Variants in CYP2W1 observed in about 807,000 individuals in gnomAD.
CYP2W1 encodes the protein cytochrome P450 2W1.
In CYP2W1, 51 loss-of-function variants were observed where a neutral mutation model predicts 44.9. The observed-to-expected ratio is 1.14, with a 90% CI of 0.91 to 1.43. The LOEUF (loss-of-function observed/expected upper bound fraction) is 1.43. CYP2W1 is among the 40% of genes most tolerant of loss of function. The probability of loss-of-function intolerance (pLI) is 0.00; values close to 1 mark genes in which losing one functional copy is unlikely to be tolerated. For synonymous variants in CYP2W1, 383 were observed against 338.3 expected (o/e 1.13, Z -1.45); for missense variants, 746 against 700.0 (o/e 1.07, Z -0.74).
intron 4 of CYP2W1, 56 bp downstream of exon 4, chr7:985,379 C>T: frequency 1.3e-6 from 2 of 1,523,832 alleles, no homozygotes; most frequent in East Asian, 4.9e-5. Context: ...GATGGGCGTG[C>T]AGCAGGAGGA....
At position 986,785 on chromosome 7, in the gene CYP2W1, C is replaced by G. The variant is rs780562848; in HGVS notation, c.807C>G (p.Ile269Met). The change falls in exon 5 of 9, where the codon ATC becomes ATG. Residue 269 changes from isoleucine to methionine, a missense_variant. Coordinates refer to ENST00000308919, the MANE Select transcript of CYP2W1 (RefSeq NM_017781.3). Reference protein sequence around the residue: ...DPVCSYVDALIQQGQGDDPEG... With the variant: ...DPVCSYVDALMQQGQGDDPEG... ...TGTGCAGCTATGTGGACGCCCTGAT[C>G]CAGCAGGGACAGGTGTGTCGGGACC... 5.7e-6 allele frequency: 9 copies of G among 1,573,706 alleles called. No individual in the cohort carries two copies. The East Asian group carries it at 2.0e-4, about 36-fold the overall frequency.
At position 987,438 on chromosome 7, in the gene CYP2W1, G is replaced by C. The variant is rs370228058; in HGVS notation, c.1050G>C (p.Val350=). The change falls in exon 7 of 9, where the codon GTG becomes GTC. Residue 350 remains valine, a synonymous_variant. Coordinates refer to ENST00000308919, the MANE Select transcript of CYP2W1 (RefSeq NM_017781.3). ...AGGCTCTGCCCTACACAAGCGCCGT[G>C]CTCCACGAGGTGCAGCGGTTCATCA... ...DQQALPYTSA[V]LHEVQRFITL... The C allele has an allele frequency of 1.9e-6, 3 of 1,588,374 alleles. No individual in the cohort carries two copies. The highest frequency in any genetic ancestry group is 2.6e-6 in the Non-Finnish European group (3 of 1,175,200).
At position 983,226 on chromosome 7, in the gene CYP2W1, CT is replaced by C; in HGVS notation, c.17del (p.Leu6CysfsTer51). 1 of 1,523,540 alleles carries C rather than the reference CT, an allele frequency of 6.6e-7. No individual in the cohort carries two copies. The highest frequency in any genetic ancestry group is 8.8e-7 in the Non-Finnish European group (1 of 1,130,882). 94.4% of individuals were successfully genotyped at this position (1,523,540 alleles called of 1,614,324 possible). MALLL[L>X]LFLGLLGLWG... ...GCCACGTCCTCATGGCCCTGCTGCT[CT>C]TGCTGTTCCTGGGCCTCCTGGGGCT... On this transcript the variant is annotated frameshift_variant, in exon 1 of 9. Coordinates refer to ENST00000308919, the MANE Select transcript of CYP2W1 (RefSeq NM_017781.3). LOFTEE classifies it high-confidence loss of function.
chr7:989,003 C>G lies in CYP2W1; in HGVS notation c.*181C>G. 1.8e-6 allele frequency: 1 copy of G among 558,632 alleles called. No homozygotes were observed. The highest frequency in any genetic ancestry group is 2.5e-5 in the South Asian group (1 of 40,432). 34.6% of individuals were successfully genotyped at this position (558,632 alleles called of 1,614,324 possible). ...GGTTACACCCAGGACTACCCCTGCC[C>G]GACCCTGTGGGACCCCCACCCCTCT... is the stretch of plus-strand genomic sequence containing the variant. On this transcript the variant is annotated 3_prime_UTR_variant, in exon 9 of 9. Transcript: ENST00000308919.
At chr7:988,146 A>C in intron 7 of CYP2W1, 131 bp from the exon 8 acceptor site, 1 of 1,136,550 alleles carries the variant, frequency 8.8e-7, no homozygotes, top group Non-Finnish European at 1.2e-6. Context: ...TGGGTGCCTC[A>C]CCTGCAAGGT....
rs1185759128 is a variant in CYP2W1 at position 989,431 on chromosome 7, T to TGGGGCGG, written c.*614_*620dup. The TGGGGCGG allele has an allele frequency of 6.7e-6, 1 of 148,502 alleles. No homozygotes were observed. The allele number at this position is 148,502 out of a possible 1,614,324, so 9.2% of individuals were successfully genotyped here. On this transcript the variant is annotated 3_prime_UTR_variant, in exon 9 of 9. Transcript: ENST00000308919. The stretch of plus-strand genomic sequence containing the variant: ...CAGGCACTGGCGCCAGAGGCTTCCT[T>TGGGGCGG]GGGGCGGGGGGAGGGCACCTCAGCC...
At chr7:986,426 C>T (rs1048791517) in intron 4 of CYP2W1, 198 bp from the exon 5 acceptor site, 22 of 631,244 alleles carry the variant, frequency 3.5e-5, no homozygotes, top group Middle Eastern at 4.4e-4. Flanking sequence ...TGTCCCCTTC[C>T]GGGACACGGA....
Position 988,278 on chromosome 7 carries a change from G to A in CYP2W1, c.1145G>A (p.Gly382Asp). Residue 382 changes from glycine (G) to aspartate (D), a missense_variant and splice_region_variant, in exon 8 of 9, where the codon GGC (glycine) becomes GAC (aspartate). Transcript: ENST00000308919. Reference sequence around the variant, plus strand: ...TCTGTGCCCCGGCTGCCCCCACAGGGCACGCCCGTGATTCCCCTGCTGACC... The same window carrying A: ...TCTGTGCCCCGGCTGCCCCCACAGGACACGCCCGTGATTCCCCTGCTGACC... ...TQLGGFLLPK[G>D]TPVIPLLTSV... is the part of the protein sequence containing the mutation. 6.3e-7 allele frequency: 1 copy of A among 1,585,940 alleles called. No individual in the cohort carries two copies. Among genetic ancestry groups the A allele is most frequent in the South Asian group, 1.1e-5 (1 of 87,624 alleles).
rs187334159 is a variant in CYP2W1, at chr7:989,159, G to A, written c.*337G>A. 1.0e-4 allele frequency: 34 copies of A among 338,026 alleles called. No individual in the cohort carries two copies. The East Asian group carries it at 1.6e-3, about 15-fold the overall frequency. The allele number at this position is 338,026 out of a possible 1,614,324, so 20.9% of individuals were successfully genotyped here. A position where few individuals can be genotyped will look rare whatever the true frequency, so the allele number is the denominator to read the frequency against. ...GGGCCCCCCAGCACCTACAGCTGGG[G>A]CTGCAGGGAGACAACGGGTGGCTGC... is the stretch of plus-strand genomic sequence containing the variant. On this transcript the variant is annotated 3_prime_UTR_variant, in exon 9 of 9. Transcript: ENST00000308919.
chr7:988,375 T>G lies in CYP2W1; in HGVS notation c.1242T>G (p.Asn414Lys). The G allele has an allele frequency of 6.2e-7, 1 of 1,612,662 alleles. No homozygotes were observed. The highest frequency in any genetic ancestry group is 8.5e-7 in the Non-Finnish European group (1 of 1,179,830). ...ACCCCGGCCATTTCCTGGACGCGAATGGGCACTTTGTGAAGCGGGAGGCCT... is the reference window on the plus strand; with the variant it reads ...ACCCCGGCCATTTCCTGGACGCGAAGGGGCACTTTGTGAAGCGGGAGGCCT... ...QFNPGHFLDA[N>K]GHFVKREAFL... Residue 414 changes from asparagine (N) to lysine (K), a missense_variant, in exon 8 of 9, where the codon AAT (asparagine) becomes AAG (lysine). Physicochemically the swap from Asn to Lys is moderately conservative, Grantham distance 94. Transcript: ENST00000308919.
At chr7:988,473 G>A (rs1583243734) in intron 8 of CYP2W1, 55 bp downstream of exon 8, 3 of 1,606,220 alleles carry the variant, frequency 1.9e-6, no homozygotes, top group Middle Eastern at 3.3e-4. Flanking sequence ...CCAGGGGTGG[G>A]ACGGCCCCAG....
rs201772103 is a variant in CYP2W1 at position 985,284 on chromosome 7, C to G, written c.606C>G (p.Ile202Met). The change falls in exon 4 of 9, where the codon ATC (isoleucine) becomes ATG (methionine). Residue 202 changes from isoleucine to methionine, a missense_variant. By Grantham distance (10) the Ile-to-Met change is conservative (BLOSUM62 1). Transcript: ENST00000308919. ...DPVFVSLLGLIDEVMVLLGSP... is the reference protein window; with the variant it reads ...DPVFVSLLGLMDEVMVLLGSP... ...TGTTTGTGTCCCTGCTGGGTCTCAT[C>G]GATGAGGTCATGGTCCTCTTGGGGT... is the stretch of plus-strand genomic sequence containing the variant. 1.3e-6 allele frequency: 2 copies of G among 1,551,678 alleles called. No homozygotes were observed. The highest frequency in any genetic ancestry group is 1.7e-6 in the Non-Finnish European group (2 of 1,147,412).
At chr7:984,387 G>T in intron 1 of CYP2W1, 25 bp from the exon 2 acceptor site, 1 of 1,543,234 alleles carries the variant, frequency 6.5e-7, no homozygotes. Context: ...AGGGCTGCCC[G>T]GGTGACCCCC....
rs755761762 is a variant in CYP2W1, at chr7:987,543, C to A, written c.1143+12C>A. The A allele has an allele frequency of 1.1e-4, 167 of 1,504,616 alleles. No individual in the cohort carries two copies. Among genetic ancestry groups the A allele is most frequent in the Non-Finnish European group, 1.4e-4 (162 of 1,125,256 alleles). The allele number at this position is 1,504,616 out of a possible 1,614,324, so 93.2% of individuals were successfully genotyped here. A position where few individuals can be genotyped will look rare whatever the true frequency, so the allele number is the denominator to read the frequency against. Reference sequence around the variant, plus strand: ...TCCTGCTCCCCAAGGTGGGGCTGGGCCTCCCTTGCCCCTTCCATCTCCTCT... The same window carrying A: ...TCCTGCTCCCCAAGGTGGGGCTGGGACTCCCTTGCCCCTTCCATCTCCTCT... On this transcript the variant is annotated intron_variant, in intron 7 of 8. Transcript: ENST00000308919.
In CYP2W1 at chr7:987,409, C is replaced by G. The variant is rs1848448133; in HGVS notation, c.1021C>G (p.Gln341Glu). The G allele has an allele frequency of 1.3e-6, 2 of 1,594,794 alleles. No individual in the cohort carries two copies. The highest frequency in any genetic ancestry group is 2.7e-5 in the African/African-American group (2 of 74,978). ...TGGGCGGACTCCCCGGCTGGAGGAC[C>G]AGCAGGCTCTGCCCTACACAAGCGC... ...GPGRTPRLED[Q>E]QALPYTSAVL... The change falls in exon 7 of 9, where the codon CAG (glutamine) becomes GAG (glutamate). Residue 341 changes from glutamine (Q) to glutamate (E), a missense_variant. Physicochemically the swap from Gln to Glu is conservative, Grantham distance 29 (BLOSUM62 2). Transcript: ENST00000308919.
intron 4 of CYP2W1, among the ~76,000 whole-genome samples, chr7:985,641 GC>G (rs1848282983): frequency 6.6e-6 from 1 of 152,092 alleles, no homozygotes; most frequent in East Asian, 1.9e-4. Flanking sequence ...CTCCATGTCT[GC>G]CCCCCAAGCC....
At position 985,624 on chromosome 7, in the gene CYP2W1, CG is replaced by C. The variant is rs568203679; in HGVS notation, c.645+307del. 3.1e-4 allele frequency among the ~76,000 whole-genome samples: 47 copies of C among 152,260 alleles called. No individual in the cohort carries two copies. In the South Asian group the frequency reaches 9.5e-3, roughly 31 times the overall value. ...GGCAGGCATGGCTTCCCCAGAATTG[CG>C]GGGGGCTCCATGTCTGCCCCCCAAG... On this transcript the variant is annotated intron_variant, in intron 4 of 8. Coordinates refer to ENST00000308919, the MANE Select transcript of CYP2W1 (RefSeq NM_017781.3).
Position 986,633 on chromosome 7 carries a change from G to A in CYP2W1, c.655G>A (p.Val219Ile), listed in dbSNP as rs565794893. Residue 219 changes from valine to isoleucine, a missense_variant, in exon 5 of 9, where the codon GTC (valine) becomes ATC (isoleucine). By Grantham distance (29) the Val-to-Ile change is conservative (BLOSUM62 3). Coordinates refer to ENST00000308919, the MANE Select transcript of CYP2W1 (RefSeq NM_017781.3). ...CCTGCCTCCTGCCCAGCTGTTCAAC[G>A]TCTACCCATGGCTCGGGGCCCTGCT... The part of the protein sequence containing the change: ...LGSPGLQLFN[V>I]YPWLGALLQL... 5.9e-5 allele frequency: 95 copies of A among 1,612,534 alleles called. No individual in the cohort carries two copies. Among genetic ancestry groups the A allele is most frequent in the African/African-American group, 8.0e-5 (6 of 74,906 alleles).
At chr7:984,163 T>C (rs1310903143) in intron 1 of CYP2W1, among the ~76,000 whole-genome samples, 2 of 152,168 alleles carry the variant, frequency 1.3e-5, no homozygotes, top group Non-Finnish European at 2.9e-5. Context: ...CCCAGGAATT[T>C]TGGCTAAAAA....
Sources: gnomAD v4.1 joint callset for allele counts (sites outside exome capture counted in the v4.1 genomes callset) on GRCh38, gnomAD v4.1.1 for gene constraint, MANE v1.5 for transcripts, NCBI Gene and HGNC (gene_info 2026-07-23, HGNC 2026-07-21) for gene names.